Variants in LRCH2 observed in about 807,000 individuals in gnomAD.
LRCH2 encodes leucine rich repeats and calponin homology domain containing 2, also known as leucine-rich repeat and calponin homology domain-containing protein 2.
LRCH2 carries 38 observed loss-of-function variants against 68.9 expected under a neutral mutation model. The ratio of observed to expected loss-of-function variants is 0.55; its 90% CI spans 0.43 to 0.72. The LOEUF (loss-of-function observed/expected upper bound fraction) is 0.72. Among genes scored for constraint, LRCH2 ranks in the 30% least tolerant of loss-of-function variants. The probability of loss-of-function intolerance (pLI) is 0.00; values close to 1 mark genes in which losing one functional copy is unlikely to be tolerated. For missense variants in LRCH2, 528 were observed against 572.9 expected (o/e 0.92, Z 0.80); for synonymous variants, 191 against 208.1 (o/e 0.92, Z 0.71).
chrX:115,193,685 C>T (rs1556562240), intron 1 of LRCH2, among the ~76,000 whole-genome samples: 1 of 111,299 alleles, frequency 9.0e-6, no homozygotes, highest in African/African-American at 3.3e-5. Flanking sequence ...GTTGCTCAAC[C>T]CCACCACTGT....
At chrX:115,190,337 CCTACCGAGAGCCCCTCAAGAG>C in intron 1 of LRCH2, 2 of 1,159,187 alleles carry the variant, frequency 1.7e-6, no homozygotes, top group Non-Finnish European at 2.3e-6. Context: ...AGCAAAGGCT[CCTACCGAGAGCCCCTCAAGAG>C]CTACGGAGGC....
intron 14 of LRCH2, among the ~76,000 whole-genome samples, chrX:115,132,421 G>A (rs1556530550): frequency 9.0e-6 from 1 of 111,071 alleles, no homozygotes; most frequent in African/African-American, 3.3e-5. Flanking sequence ...TGAGGGCTCT[G>A]TTCTGTTCCA....
chrX:115,207,926 G>A (rs2072980458), intron 1 of LRCH2, among the ~76,000 whole-genome samples: 2 of 111,664 alleles, frequency 1.8e-5, no homozygotes, highest in Admixed American at 1.9e-4. Flanking sequence ...ACTGAAGAGG[G>A]GGCCATGTGG....
intron 11 of LRCH2, among the ~76,000 whole-genome samples, chrX:115,160,821 C>T (rs1476221333): frequency 9.0e-6 from 1 of 111,335 alleles, no homozygotes; most frequent in Non-Finnish European, 1.9e-5. Flanking sequence ...TATAGGATTA[C>T]GCTTAGATTT....
chrX:115,142,008 G>A (rs1273580176), intron 14 of LRCH2, among the ~76,000 whole-genome samples: 1 of 111,728 alleles, frequency 9.0e-6, no homozygotes, highest in East Asian at 2.8e-4. Flanking sequence ...AAAAGAGCAG[G>A]TGTAGCTATA....
chrX:115,122,628 G>A (rs965675617), intron 19 of LRCH2, 24 bp from the exon 20 acceptor site: 1 of 1,191,276 alleles, frequency 8.4e-7, no homozygotes, highest in Admixed American at 2.2e-5. Flanking sequence ...GGGAAAAAAT[G>A]TACTTTTAGG....
chrX:115,187,789 G>A (rs1191467731), intron 2 of LRCH2, among the ~76,000 whole-genome samples: 5 of 112,786 alleles, frequency 4.4e-5, no homozygotes, highest in African/African-American at 1.3e-4. Flanking sequence ...AGTCACAAAA[G>A]TGAGAAAAAA....
chrX:115,184,662 G>T, intron 2 of LRCH2, 125 bp from the exon 3 acceptor site: 2 of 584,227 alleles, frequency 3.4e-6, no homozygotes, highest in Non-Finnish European at 5.0e-6. Flanking sequence ...AGTACTTGCT[G>T]AGTGCTCACT....
At chrX:115,161,134 CCT>C (rs2072516043) in intron 11 of LRCH2, among the ~76,000 whole-genome samples, 2 of 111,135 alleles carry the variant, frequency 1.8e-5, no homozygotes, top group East Asian at 5.7e-4. Context: ...GGGTGGAACC[CCT>C]GAGGCCAGGA....
intron 1 of LRCH2, among the ~76,000 whole-genome samples, chrX:115,208,563 T>C (rs1311817918): frequency 1.8e-5 from 2 of 111,545 alleles, no homozygotes; most frequent in Non-Finnish European, 3.8e-5. Flanking sequence ...AGGAGTCAGA[T>C]GGAATGGAAA....
At chrX:115,127,488 T>G (rs781970230) in intron 15 of LRCH2, among the ~76,000 whole-genome samples, 1 of 111,836 alleles carries the variant, frequency 8.9e-6, no homozygotes, top group Non-Finnish European at 1.9e-5. Flanking sequence ...GACACTATGC[T>G]AGACAGTGAG....
chrX:115,136,372 C>T (rs1455979707), intron 14 of LRCH2, among the ~76,000 whole-genome samples: 3 of 111,985 alleles, frequency 2.7e-5, no homozygotes, highest in Non-Finnish European at 5.6e-5. Flanking sequence ...ATAAGCTACT[C>T]ACATCTTCCT....
At chrX:115,175,178 C>G (rs1056008969) in intron 5 of LRCH2, among the ~76,000 whole-genome samples, 3 of 111,820 alleles carry the variant, frequency 2.7e-5, no homozygotes, top group African/African-American at 9.7e-5. Flanking sequence ...AAATGATACC[C>G]CAAAATGAAA....
chrX:115,160,032 G>C (rs1463833578), intron 11 of LRCH2, among the ~76,000 whole-genome samples: 1 of 110,563 alleles, frequency 9.0e-6, no homozygotes, highest in African/African-American at 3.3e-5. Flanking sequence ...AAAATAATAT[G>C]AACTGCCAGG....
chrX:115,170,154 G>A, intron 6 of LRCH2, 145 bp downstream of exon 6: 1 of 456,480 alleles, frequency 2.2e-6, no homozygotes, highest in Non-Finnish European at 3.3e-6. Flanking sequence ...ATTCTATGAT[G>A]GTGATATGTA....
rs2072537343 is a variant in LRCH2, at chrX:115,163,732, T to C, written c.1407A>G (p.Glu469=). Residue 469 remains glutamate, a synonymous_variant, in exon 11 of 21, where the codon GAA becomes GAG. Coordinates refer to ENST00000317135, the MANE Select transcript of LRCH2 (RefSeq NM_020871.4). The stretch of plus-strand genomic sequence containing the variant: ...CAGCTATTTTCCTCAAATCAGTTAC[T>C]TCCTTCAAATCATCATCCTCTTCCT... ...LAEEEDDDLK[E]VTDLRKIAAQ... 1 of 1,201,203 alleles carries C rather than the reference T, an allele frequency of 8.3e-7. No individual in the cohort carries two copies. Among genetic ancestry groups the C allele is most frequent in the Non-Finnish European group, 1.1e-6 (1 of 889,211 alleles).
intron 1 of LRCH2, chrX:115,198,354 C>T: frequency 9.0e-6 from 1 of 111,676 alleles, no homozygotes; most frequent in African/African-American, 3.3e-5. Context: ...ATATTATAAT[C>T]AGACTGTCTA....
intron 11 of LRCH2, among the ~76,000 whole-genome samples, chrX:115,162,386 T>C (rs781873276): frequency 8.9e-6 from 1 of 111,804 alleles, no homozygotes; most frequent in East Asian, 2.8e-4. Context: ...TAAATTATAT[T>C]GGAGGGGGAA....
At chrX:115,176,740 T>TC (rs1314782435) in intron 5 of LRCH2, among the ~76,000 whole-genome samples, 1 of 108,088 alleles carries the variant, frequency 9.3e-6, no homozygotes, top group Non-Finnish European at 1.9e-5. Context: ...TTTTCTTTTT[T>TC]CTTTTTTTTT....
Sources: gnomAD v4.1 joint callset for allele counts (sites outside exome capture counted in the v4.1 genomes callset) on GRCh38, gnomAD v4.1.1 for gene constraint, MANE v1.5 for transcripts, NCBI Gene and HGNC (gene_info 2026-07-23, HGNC 2026-07-21) for gene names.